The following PKIA variants were observed in gnomAD, a reference collection of about 807,000 sequenced individuals.
PKIA encodes the protein cAMP-dependent protein kinase inhibitor alpha, also known as PKI-alpha.
PKIA carries 4 observed loss-of-function variants against 7.6 expected under a neutral mutation model. The observed-to-expected ratio is 0.52, with a 90% CI of 0.26 to 1.20. The LOEUF is 1.20. Ranked by LOEUF, PKIA falls within the 50% of genes most tolerant of loss-of-function variation. PKIA has a pLI of 0.13. For synonymous variants in PKIA, 21 were observed against 30.7 expected, an observed-to-expected ratio of 0.68 and a Z score of 1.04; for missense variants, 73 against 86.2, an observed-to-expected ratio of 0.85 and a Z score of 0.61.
At chr8:78,524,113 T>C (rs1809489436) in intron 1 of PKIA, among the ~76,000 whole-genome samples, 2 of 113,634 alleles carry the variant, frequency 1.8e-5, no homozygotes, top group East Asian at 2.1e-4. Flanking sequence ...TATAAATATA[T>C]GTATAAACAT....
At chr8:78,590,303 GA>G (rs975264591) in intron 2 of PKIA, among the ~76,000 whole-genome samples, 1 of 147,634 alleles carries the variant, frequency 6.8e-6, no homozygotes, top group African/African-American at 2.5e-5. Flanking sequence ...AAAAGAAAAA[GA>G]AAAAAATTGC....
intron 2 of PKIA, among the ~76,000 whole-genome samples, chr8:78,587,935 A>G (rs1807992261): frequency 1.3e-5 from 2 of 152,218 alleles, no homozygotes; most frequent in Admixed American, 1.3e-4. Flanking sequence ...AGTTACTTAA[A>G]CAAGGAGGAT....
chr8:78,597,344 A>G (rs1038101627), intron 2 of PKIA, among the ~76,000 whole-genome samples: 1 of 152,196 alleles, frequency 6.6e-6, no homozygotes, highest in African/African-American at 2.4e-5. Context: ...TTTTATTTCC[A>G]AGATTTAATC....
chr8:78,584,773 G>T (rs1807909421), intron 2 of PKIA, among the ~76,000 whole-genome samples: 1 of 152,016 alleles, frequency 6.6e-6, no homozygotes, highest in Non-Finnish European at 1.5e-5. Context: ...AATTTAGAGT[G>T]CAAACTAGAA....
At chr8:78,536,282 A>G (rs1806519354) in intron 1 of PKIA, among the ~76,000 whole-genome samples, 1 of 152,132 alleles carries the variant, frequency 6.6e-6, no homozygotes, top group East Asian at 1.9e-4. Flanking sequence ...CATTAGTTAT[A>G]AAGAAAAAAA....
At chr8:78,528,386 T>C (rs1478945662) in intron 1 of PKIA, among the ~76,000 whole-genome samples, 3 of 152,096 alleles carry the variant, frequency 2.0e-5, no homozygotes, top group Non-Finnish European at 4.4e-5. Context: ...AGTTGGATCA[T>C]TGAGTTTTTC....
chr8:78,525,884 A>G (rs1809534588), intron 1 of PKIA, among the ~76,000 whole-genome samples: 2 of 151,952 alleles, frequency 1.3e-5, no homozygotes, highest in Non-Finnish European at 1.5e-5. Flanking sequence ...TTTGAATCAT[A>G]CCTTTACCAT....
At chr8:78,561,261 C>G (rs1487384623) in intron 1 of PKIA, among the ~76,000 whole-genome samples, 1 of 152,108 alleles carries the variant, frequency 6.6e-6, no homozygotes, top group Non-Finnish European at 1.5e-5. Context: ...CACTGTTGGT[C>G]TAACACTCTA....
At chr8:78,526,772 T>TAA (rs879926887) in intron 1 of PKIA, among the ~76,000 whole-genome samples, 3 of 137,046 alleles carry the variant, frequency 2.2e-5, no homozygotes, top group South Asian at 2.3e-4. Flanking sequence ...TTAAACAAAA[T>TAA]AAAAAAAAAA....
At chr8:78,548,240 A>G (rs1315407435) in intron 1 of PKIA, among the ~76,000 whole-genome samples, 2 of 152,136 alleles carry the variant, frequency 1.3e-5, no homozygotes. Flanking sequence ...TTAGCAGAAC[A>G]CAATTAGGGA....
chr8:78,578,092 G>C (rs1381589179), intron 2 of PKIA, among the ~76,000 whole-genome samples: 2 of 151,956 alleles, frequency 1.3e-5, no homozygotes, highest in African/African-American at 2.4e-5. Flanking sequence ...ATGGTTGGAA[G>C]ATATTCAAGA....
At chr8:78,532,059 A>G (rs1806399787) in intron 1 of PKIA, among the ~76,000 whole-genome samples, 1 of 152,118 alleles carries the variant, frequency 6.6e-6, no homozygotes, top group South Asian at 2.1e-4. Context: ...TCAGGGGTAC[A>G]TGTGCAGGTT....
intron 3 of PKIA, among the ~76,000 whole-genome samples, chr8:78,601,412 A>G (rs974594080): frequency 3.3e-5 from 5 of 152,078 alleles, no homozygotes; most frequent in Non-Finnish European, 5.9e-5. Flanking sequence ...GATTTCTGCA[A>G]CCTGTGAAAC....
chr8:78,569,275 GT>G (rs2118548061), intron 1 of PKIA, among the ~76,000 whole-genome samples: 2 of 152,140 alleles, frequency 1.3e-5, no homozygotes, highest in African/African-American at 4.8e-5. Flanking sequence ...CTCTGCCTTG[GT>G]TCAGGGGGTC....
intron 2 of PKIA, among the ~76,000 whole-genome samples, chr8:78,574,860 T>A (rs562134470): frequency 2.9e-4 from 44 of 152,070 alleles, no homozygotes; most frequent in African/African-American, 6.0e-4. Context: ...TCATTTTTTT[T>A]AAAATTTCTA....
chr8:78,557,673 A>C (rs934754899), intron 1 of PKIA, among the ~76,000 whole-genome samples: 4 of 152,176 alleles, frequency 2.6e-5, no homozygotes, highest in Non-Finnish European at 4.4e-5. Context: ...GGTATTATTA[A>C]ATACCCATTT....
At chr8:78,527,794 A>AT (rs988016153) in intron 1 of PKIA, among the ~76,000 whole-genome samples, 2 of 151,294 alleles carry the variant, frequency 1.3e-5, no homozygotes, top group Non-Finnish European at 2.9e-5. Flanking sequence ...TCATTTTGTT[A>AT]TTTTTTTAAC....
chr8:78,522,668 T>G (rs1432557206), intron 1 of PKIA, among the ~76,000 whole-genome samples: 1 of 151,956 alleles, frequency 6.6e-6, no homozygotes, highest in Non-Finnish European at 1.5e-5. Context: ...CATTTTTTTA[T>G]CATAGATGAC....
chr8:78,543,323 G>A (rs1298042921), intron 1 of PKIA, among the ~76,000 whole-genome samples: 4 of 152,144 alleles, frequency 2.6e-5, no homozygotes, highest in African/African-American at 9.7e-5. Flanking sequence ...TCTTTTGACA[G>A]AGGTCATCAT....
Sources: allele counts gnomAD v4.1 joint callset (sites outside exome capture counted in the v4.1 genomes callset), GRCh38; gene constraint gnomAD v4.1.1; transcripts MANE v1.5; gene names NCBI Gene and HGNC (gene_info 2026-07-23, HGNC 2026-07-21).